MAGI1: variants seen among roughly 807,000 people sequenced by gnomAD.
MAGI1 encodes membrane-associated guanylate kinase, WW and PDZ domain-containing protein 1.
In MAGI1, 58 loss-of-function variants were observed where a neutral mutation model predicts 139.9. The ratio of observed to expected loss-of-function variants is 0.41; its 90% confidence interval spans 0.34 to 0.52. The LOEUF (loss-of-function observed/expected upper bound fraction) is 0.52, where lower values mean the gene tolerates loss of function less well. MAGI1 is among the 20% of genes least tolerant of loss of function. The pLI is 0.12. For missense variants in MAGI1, 1,874 were observed against 1,901.6 expected (o/e 0.99, Z 0.27); for synonymous variants, 812 against 737.9 (o/e 1.10, Z -1.63).
rs575026124 is a variant in MAGI1, at chr3:65,999,065, T to TA, written c.313+38930dup. Among the ~76,000 whole-genome samples, 1,072 of 151,410 alleles carry TA rather than the reference T, an allele frequency of 7.1e-3. 6 individuals carry two copies. The highest frequency in any genetic ancestry group is 0.012 in the Non-Finnish European group (810 of 67,784). On this transcript the variant is annotated intron_variant, in intron 1 of 22. Coordinates refer to ENST00000402939, the MANE Select transcript of MAGI1 (RefSeq NM_001033057.2). ...AAGGGCTATAAAAGAATCCCTTTTT[T>TA]AAAAAAAAAATTTATTTGAAGTTCC...
At chr3:65,602,695 A>G (rs888667114) in intron 2 of MAGI1, among the ~76,000 whole-genome samples, 2 of 152,166 alleles carry the variant, frequency 1.3e-5, no homozygotes, top group Non-Finnish European at 1.5e-5. Context: ...TATGGGAACT[A>G]TATTTCAATA....
At chr3:65,833,172 C>G (rs1372930514) in intron 1 of MAGI1, among the ~76,000 whole-genome samples, 1 of 151,442 alleles carries the variant, frequency 6.6e-6, no homozygotes, top group East Asian at 1.9e-4. Context: ...GGCTGGAGTG[C>G]ACTGATGTGA....
intron 21 of MAGI1, among the ~76,000 whole-genome samples, chr3:65,362,856 C>T (rs1048770021): frequency 6.6e-6 from 1 of 152,216 alleles, no homozygotes; most frequent in Non-Finnish European, 1.5e-5. Context: ...GAGAACAGCA[C>T]ATTCATCTAC....
chr3:66,037,970 C>T, intron 1 of MAGI1, 26 bp downstream of exon 1: 2 of 1,521,300 alleles, frequency 1.3e-6, no homozygotes, highest in Non-Finnish European at 1.8e-6. Flanking sequence ...TCTCGGGGCG[C>T]CCCCCAAAGG....
chr3:65,881,187 T>G, intron 1 of MAGI1, among the ~76,000 whole-genome samples: 1 of 152,256 alleles, frequency 6.6e-6, no homozygotes, highest in South Asian at 2.1e-4. Context: ...TGGCATCTGA[T>G]TTTAACTCTT....
rs147351208 is a variant in MAGI1, at chr3:65,628,503, G to A, written c.314-6415C>T. Among the ~76,000 whole-genome samples, 444 of 152,014 alleles carry A rather than the reference G, an allele frequency of 2.9e-3. 3 individuals carry two copies. The highest frequency in any genetic ancestry group is 4.3e-3 in the Non-Finnish European group (295 of 67,966). ...GAACCCATATGAAAAGCTGCCCACC[G>A]GAGAAGCTCCTTAGACACCCAGGGC... On this transcript the variant is annotated intron_variant, in intron 1 of 22. Transcript: ENST00000402939.
intron 1 of MAGI1, among the ~76,000 whole-genome samples, chr3:65,709,507 T>C (rs2030998228): frequency 6.6e-6 from 1 of 152,208 alleles, no homozygotes; most frequent in Non-Finnish European, 1.5e-5. Flanking sequence ...GGATAAAATA[T>C]TTAAACCTCT....
chr3:65,656,234 G>C (rs963908686), intron 1 of MAGI1, among the ~76,000 whole-genome samples: 6 of 151,992 alleles, frequency 3.9e-5, no homozygotes, highest in Non-Finnish European at 5.9e-5. Context: ...GTTCTCCTTA[G>C]TCAGAAGTTA....
chr3:65,495,925 G>A (rs1057042162), intron 2 of MAGI1, among the ~76,000 whole-genome samples: 3 of 152,150 alleles, frequency 2.0e-5, no homozygotes, highest in South Asian at 2.1e-4. Flanking sequence ...GGCTGGAAAC[G>A]AAAGCAAGCG....
chr3:65,777,976 A>G, intron 1 of MAGI1, among the ~76,000 whole-genome samples: 1 of 152,206 alleles, frequency 6.6e-6, no homozygotes. Flanking sequence ...AGGTATGCAT[A>G]ATAATTCATA....
intron 1 of MAGI1, among the ~76,000 whole-genome samples, chr3:65,838,955 C>T (rs2058718523): frequency 6.6e-6 from 1 of 152,186 alleles, no homozygotes; most frequent in South Asian, 2.1e-4. Flanking sequence ...TCTTAATTTG[C>T]ATTTCCCTAA....
intron 2 of MAGI1, among the ~76,000 whole-genome samples, chr3:65,498,458 TG>T (rs2076959930): frequency 6.6e-6 from 1 of 152,026 alleles, no homozygotes; most frequent in African/African-American, 2.4e-5. Flanking sequence ...TATATAACGC[TG>T]GGAAAAAAAT....
At chr3:65,712,302 A>G (rs1368939404) in intron 1 of MAGI1, among the ~76,000 whole-genome samples, 1 of 151,986 alleles carries the variant, frequency 6.6e-6, no homozygotes. Context: ...ACTGAGCCGC[A>G]CAGGGAGGCC....
intron 1 of MAGI1, among the ~76,000 whole-genome samples, chr3:65,823,167 T>C (rs1575612116): frequency 6.6e-6 from 1 of 152,184 alleles, no homozygotes; most frequent in Non-Finnish European, 1.5e-5. Context: ...ATATATATCA[T>C]ATAAAGTGAT....
intron 1 of MAGI1, among the ~76,000 whole-genome samples, chr3:65,963,198 G>A (rs2064539853): frequency 6.6e-6 from 1 of 151,068 alleles, no homozygotes; most frequent in South Asian, 2.1e-4. Flanking sequence ...TGTAGTCCCA[G>A]CTACTGGGAA....
Position 65,363,329 on chromosome 3 carries a change from G to A in MAGI1, c.3495+136C>T. ...TAGGCAGAAATATTTGGTAGGGTAG[G>A]AGTCATGCACTTAAGAGAATCATGA... On this transcript the variant is annotated intron_variant, in intron 21 of 22. Coordinates refer to ENST00000402939, the MANE Select transcript of MAGI1 (RefSeq NM_001033057.2). The A allele has an allele frequency of 5.9e-6, 6 of 1,024,164 alleles. 1 individual carries two copies. The South Asian group carries it at 8.3e-5, about 14-fold the overall frequency. The allele number at this position is 1,024,164 out of a possible 1,614,324, so 63.4% of individuals were successfully genotyped here.
At chr3:65,922,551 G>A (rs555638180) in intron 1 of MAGI1, among the ~76,000 whole-genome samples, 71 of 152,252 alleles carry the variant, frequency 4.7e-4, no homozygotes, top group African/African-American at 1.7e-3. Context: ...AGACAAGGAA[G>A]GCAAAGGATC....
chr3:66,021,832 G>A (rs1177139413), intron 1 of MAGI1, among the ~76,000 whole-genome samples: 2 of 152,124 alleles, frequency 1.3e-5, no homozygotes, highest in Admixed American at 1.3e-4. Context: ...CCACGCCCCG[G>A]TGACTATAAC....
At chr3:65,679,492 G>A (rs1010365912) in intron 1 of MAGI1, among the ~76,000 whole-genome samples, 21 of 152,156 alleles carry the variant, frequency 1.4e-4, no homozygotes, top group Admixed American at 3.3e-4. Context: ...GAACCCAGAA[G>A]GCAGAAGTTG....
Sources: allele counts gnomAD v4.1 joint callset (sites outside exome capture counted in the v4.1 genomes callset), GRCh38; gene constraint gnomAD v4.1.1; transcripts MANE v1.5; gene names NCBI Gene and HGNC (gene_info 2026-07-23, HGNC 2026-07-21).